PHF14: variants seen among roughly 807,000 people sequenced by gnomAD.
PHF14 encodes the protein PHD finger protein 14.
Under a neutral mutation model 117.9 loss-of-function variants are expected in PHF14, and 55 were observed. The observed-to-expected ratio is 0.47, with a 90% confidence interval of 0.38 to 0.58. The LOEUF (loss-of-function observed/expected upper bound fraction) is 0.58. Ranked by LOEUF, PHF14 falls within the 20% of genes least tolerant of loss-of-function variation. PHF14 has a pLI of 0.00. For missense variants in PHF14, 978 were observed against 1,122.2 expected, an observed-to-expected ratio of 0.87 and a Z score of 1.84; for synonymous variants, 409 against 368.6, an observed-to-expected ratio of 1.11 and a Z score of -1.26.
chr7:11,152,595 A>G (rs1040849110), intron 17 of PHF14, among the ~76,000 whole-genome samples: 2 of 152,186 alleles, frequency 1.3e-5, no homozygotes, highest in Non-Finnish European at 2.9e-5. Context: ...CATAAGAACT[A>G]TTCATTGAAA....
At chr7:11,019,710 G>A (rs1314579661) in intron 5 of PHF14, among the ~76,000 whole-genome samples, 4 of 151,798 alleles carry the variant, frequency 2.6e-5, no homozygotes, top group Non-Finnish European at 5.9e-5. Flanking sequence ...TTGATCTTTT[G>A]TATATGTTTT....
chr7:11,142,077 TGTTA>T (rs1463913879), intron 17 of PHF14, among the ~76,000 whole-genome samples: 1 of 152,046 alleles, frequency 6.6e-6, no homozygotes, highest in Non-Finnish European at 1.5e-5. Flanking sequence ...TTTTTGTTGT[TGTTA>T]GTTTTGCTGC....
chr7:11,061,335 A>C (rs1352423753), intron 14 of PHF14: 2 of 152,240 alleles, frequency 1.3e-5, no homozygotes, highest in African/African-American at 4.8e-5. Context: ...TGGCTGCTTA[A>C]GAATTATTTC....
chr7:11,023,359 C>G (rs1241966850), intron 6 of PHF14, among the ~76,000 whole-genome samples: 1 of 152,162 alleles, frequency 6.6e-6, no homozygotes, highest in Admixed American at 6.5e-5. Flanking sequence ...TAGAAGTGAT[C>G]TTTGATGCTG....
chr7:11,118,024 A>C (rs1466866002), intron 17 of PHF14, among the ~76,000 whole-genome samples: 1 of 151,642 alleles, frequency 6.6e-6, no homozygotes, highest in African/African-American at 2.4e-5. Context: ...TAAATTCAGT[A>C]CTCTTCTAGC....
chr7:11,168,381 A>G (rs1468990528), intron 17 of PHF14, among the ~76,000 whole-genome samples: 1 of 152,198 alleles, frequency 6.6e-6, no homozygotes, highest in Non-Finnish European at 1.5e-5. Context: ...CTTAATCATT[A>G]CTGGCAAGTA....
intron 16 of PHF14, among the ~76,000 whole-genome samples, chr7:11,077,054 A>G (rs1220833395): frequency 6.6e-6 from 1 of 151,944 alleles, no homozygotes; most frequent in African/African-American, 2.4e-5. Flanking sequence ...TACTATCTAT[A>G]TTTATGAAAG....
At chr7:11,165,139 A>G (rs796165352) in intron 17 of PHF14, among the ~76,000 whole-genome samples, 11 of 152,216 alleles carry the variant, frequency 7.2e-5, no homozygotes, top group African/African-American at 2.4e-4. Flanking sequence ...TGGCCAGGAT[A>G]GTCTCGGTCT....
intron 3 of PHF14, among the ~76,000 whole-genome samples, chr7:10,986,619 C>T (rs1417545833): frequency 2.0e-5 from 3 of 152,156 alleles, no homozygotes; most frequent in Non-Finnish European, 2.9e-5. Context: ...AACCTTATGG[C>T]ATTTTTTAAA....
chr7:11,026,333 C>T (rs1274136703), intron 6 of PHF14, among the ~76,000 whole-genome samples: 1 of 152,136 alleles, frequency 6.6e-6, no homozygotes, highest in Non-Finnish European at 1.5e-5. Flanking sequence ...TGTTATTATG[C>T]ATTTAATAGA....
chr7:11,129,323 T>TTG (rs1335827112), intron 17 of PHF14, among the ~76,000 whole-genome samples: 1 of 152,112 alleles, frequency 6.6e-6, no homozygotes, highest in Middle Eastern at 3.2e-3. Flanking sequence ...AGAAGATATC[T>TTG]GTTCAGCAAG....
chr7:11,168,018 T>TG (rs1207720661), intron 17 of PHF14, among the ~76,000 whole-genome samples: 1 of 78,344 alleles, frequency 1.3e-5, no homozygotes, highest in Admixed American at 1.5e-4. Flanking sequence ...AGAGTCCGTC[T>TG]CAAAAAAAAA....
chr7:11,086,179 T>A (rs1397888900), intron 16 of PHF14, among the ~76,000 whole-genome samples: 1 of 152,186 alleles, frequency 6.6e-6, no homozygotes. Flanking sequence ...TCCAGTTGTC[T>A]TACTAAAACA....
At chr7:11,057,807 C>T (rs917981124) in intron 14 of PHF14, among the ~76,000 whole-genome samples, 1 of 151,904 alleles carries the variant, frequency 6.6e-6, no homozygotes, top group Admixed American at 6.6e-5. Context: ...AAGTTGATCA[C>T]GGACAGATTA....
At position 11,077,299 on chromosome 7, in the gene PHF14, GAAAA is replaced by G. The variant is rs112993406; in HGVS notation, c.2654+15222_2654+15225del. On this transcript the variant is annotated intron_variant, in intron 16 of 17. Transcript: ENST00000634607. The stretch of plus-strand genomic sequence containing the variant: ...CATTTGAATTAACCAGTAGTGCAAA[GAAAA>G]AAAAAAAGCCAGATTCAGCCGGGCG... Among the ~76,000 whole-genome samples, 442 of 143,240 alleles carry G rather than the reference GAAAA, an allele frequency of 3.1e-3. 2 individuals carry two copies. Among genetic ancestry groups the G allele is most frequent in the African/African-American group, 0.01 (409 of 39,270 alleles). The allele number at this position is 143,240 out of a possible 152,430, so 94.0% of individuals were successfully genotyped here. A position where few individuals can be genotyped will look rare whatever the true frequency, so the allele number is the denominator to read the frequency against.
chr7:11,068,967 A>G (rs1207487842), intron 16 of PHF14, among the ~76,000 whole-genome samples: 1 of 152,210 alleles, frequency 6.6e-6, no homozygotes, highest in African/African-American at 2.4e-5. Context: ...TAAGAATGTA[A>G]TGTTTTTGAT....
In PHF14 at chr7:11,106,851, A is replaced by G. The variant is rs777010251; in HGVS notation, c.2655-4499A>G. 1.6e-5 allele frequency: 16 copies of G among 983,894 alleles called. No individual in the cohort carries two copies. The Admixed American group carries it at 3.1e-4, about 19-fold the overall frequency. The allele number at this position is 983,894 out of a possible 1,614,324, so 60.9% of individuals were successfully genotyped here. On this transcript the variant is annotated intron_variant, in intron 16 of 17. Coordinates refer to ENST00000634607, the MANE Select transcript of PHF14 (RefSeq NM_001007157.2). ...TTTAAGTGGACAGACATAATAGTCT[A>G]TATTTTCAGAGTCCAGTTTTTGTTT...
intron 17 of PHF14, among the ~76,000 whole-genome samples, chr7:11,143,895 GCTT>G (rs1583498868): frequency 6.6e-6 from 1 of 151,896 alleles, no homozygotes; most frequent in East Asian, 1.9e-4. Context: ...AAACTAAAAA[GCTT>G]CTGTACAGCA....
chr7:11,096,971 A>C (rs1378415472), intron 16 of PHF14, among the ~76,000 whole-genome samples: 1 of 146,796 alleles, frequency 6.8e-6, no homozygotes, highest in East Asian at 2.0e-4. Context: ...AGTAGACTAG[A>C]ACTTTTTTTT....
Sources: allele counts gnomAD v4.1 joint callset (sites outside exome capture counted in the v4.1 genomes callset), GRCh38; gene constraint gnomAD v4.1.1; transcripts MANE v1.5; gene names NCBI Gene and HGNC (gene_info 2026-07-23, HGNC 2026-07-21).